The following IL1RAPL1 variants were observed in gnomAD, a reference collection of about 807,000 sequenced individuals.
IL1RAPL1 encodes the protein interleukin-1 receptor accessory protein-like 1.
In IL1RAPL1, 3 loss-of-function variants were observed where a neutral mutation model predicts 48.4. The observed-to-expected ratio is 0.06, with a 90% CI of 0.03 to 0.16. The LOEUF is 0.16. Ranked by LOEUF, IL1RAPL1 falls within the 10% of genes least tolerant of loss-of-function variation. The pLI is 1.00. For missense variants in IL1RAPL1, 349 were observed against 530.6 expected (o/e 0.66, Z 3.36); for synonymous variants, 185 against 187.7 (o/e 0.99, Z 0.12).
chrX:29,777,164 T>A (rs1929218776), intron 6 of IL1RAPL1, among the ~76,000 whole-genome samples: 1 of 112,316 alleles, frequency 8.9e-6, no homozygotes, highest in Admixed American at 9.5e-5. Context: ...GAACTGGCTC[T>A]TTGTACAAAT....
intron 1 of IL1RAPL1, among the ~76,000 whole-genome samples, chrX:28,784,143 C>G (rs1156597583): frequency 1.8e-5 from 2 of 112,055 alleles, no homozygotes; most frequent in African/African-American, 6.5e-5. Context: ...CTTTTAGTAA[C>G]TTATGGTTGC....
chrX:29,688,544 A>G (rs1926688811), intron 6 of IL1RAPL1, among the ~76,000 whole-genome samples: 2 of 111,921 alleles, frequency 1.8e-5, no homozygotes, highest in African/African-American at 6.5e-5. Context: ...AAAATTTTAC[A>G]GTTTCTGGAG....
At chrX:29,442,370 G>A (rs919720461) in intron 5 of IL1RAPL1, among the ~76,000 whole-genome samples, 1 of 110,162 alleles carries the variant, frequency 9.1e-6, no homozygotes, top group African/African-American at 3.3e-5. Flanking sequence ...GGAGGGGGGT[G>A]AGGGATAGAA....
intron 3 of IL1RAPL1, among the ~76,000 whole-genome samples, chrX:29,310,120 AAAAAAAAAAGAAAGG>A (rs1482013659): frequency 6.7e-5 from 6 of 89,669 alleles, no homozygotes; most frequent in African/African-American, 2.4e-4. Flanking sequence ...AAAAAAAAAA[AAAAAAAAAAGAAAGG>A]AAAAAAAAAA....
At chrX:29,597,256 C>A (rs973594355) in intron 5 of IL1RAPL1, among the ~76,000 whole-genome samples, 1 of 106,462 alleles carries the variant, frequency 9.4e-6, no homozygotes, top group South Asian at 4.3e-4. Context: ...CAGGTTCAAT[C>A]GATTCTCCTG....
At chrX:29,353,831 GTTT>G (rs199572427) in intron 3 of IL1RAPL1, among the ~76,000 whole-genome samples, 2 of 92,426 alleles carry the variant, frequency 2.2e-5, no homozygotes, top group Admixed American at 1.2e-4. Context: ...TTTTTCCAGT[GTTT>G]TTTTTTTTTT....
intron 2 of IL1RAPL1, among the ~76,000 whole-genome samples, chrX:29,068,640 TA>T (rs1927499449): frequency 8.9e-6 from 1 of 112,406 alleles, no homozygotes; most frequent in Non-Finnish European, 1.9e-5. Context: ...ATGAAATAAT[TA>T]AAGTACTGTG....
intron 1 of IL1RAPL1, among the ~76,000 whole-genome samples, chrX:28,743,440 T>C (rs1490254066): frequency 1.8e-5 from 2 of 111,787 alleles, no homozygotes; most frequent in East Asian, 5.6e-4. Context: ...AGCTAAGCCC[T>C]ATGTCTTACT....
intron 5 of IL1RAPL1, among the ~76,000 whole-genome samples, chrX:29,472,028 C>T (rs1290025123): frequency 9.0e-6 from 1 of 111,539 alleles, no homozygotes; most frequent in African/African-American, 3.3e-5. Context: ...GTTGTCTATA[C>T]TCACTTTCTT....
At chrX:28,716,431 A>G (rs1167634816) in intron 1 of IL1RAPL1, among the ~76,000 whole-genome samples, 1 of 111,685 alleles carries the variant, frequency 9.0e-6, no homozygotes, top group East Asian at 2.8e-4. Context: ...TGGGGAAAGG[A>G]TTCCCTTTTC....
At chrX:28,645,181 C>T (rs1217072757) in intron 1 of IL1RAPL1, among the ~76,000 whole-genome samples, 1 of 107,435 alleles carries the variant, frequency 9.3e-6, no homozygotes, top group Non-Finnish European at 1.9e-5. Context: ...GACCCTGTCT[C>T]TACTAAAAAT....
At chrX:28,858,247 A>G (rs1921853279) in intron 2 of IL1RAPL1, among the ~76,000 whole-genome samples, 1 of 112,422 alleles carries the variant, frequency 8.9e-6, no homozygotes, top group Non-Finnish European at 1.9e-5. Context: ...GACGCCATGA[A>G]CATTGTTGAA....
intron 6 of IL1RAPL1, among the ~76,000 whole-genome samples, chrX:29,844,631 T>C (rs1931208484): frequency 8.9e-6 from 1 of 111,908 alleles, no homozygotes; most frequent in African/African-American, 3.2e-5. Flanking sequence ...ACTATTTACA[T>C]AGTATTTACA....
chrX:28,898,220 C>G (rs769234561), intron 2 of IL1RAPL1, among the ~76,000 whole-genome samples: 1 of 111,489 alleles, frequency 9.0e-6, no homozygotes. Context: ...TCCTTGGGTT[C>G]CCTTTTTACT....
intron 1 of IL1RAPL1, among the ~76,000 whole-genome samples, chrX:28,688,316 C>T (rs1468737153): frequency 1.8e-5 from 2 of 109,136 alleles, no homozygotes; most frequent in Middle Eastern, 4.7e-3. Flanking sequence ...TCAAGTGGTC[C>T]TCCTACCTCA....
intron 8 of IL1RAPL1, among the ~76,000 whole-genome samples, chrX:29,941,027 C>T (rs145691017): frequency 0.17 from 18,762 of 111,473 alleles, 1,199 homozygotes; most frequent in East Asian, 0.25. Context: ...AGCAGAGGAG[C>T]TATTGCTCCT....
intron 1 of IL1RAPL1, among the ~76,000 whole-genome samples, chrX:28,703,886 A>G (rs1273604268): frequency 8.9e-6 from 1 of 111,835 alleles, no homozygotes; most frequent in African/African-American, 3.2e-5. Context: ...AGGACCTCCT[A>G]TCCTGCCTCC....
chrX:29,593,148 C>T (rs946975500), intron 5 of IL1RAPL1, among the ~76,000 whole-genome samples: 2 of 111,443 alleles, frequency 1.8e-5, no homozygotes, highest in African/African-American at 6.5e-5. Context: ...ATGGGCCCTG[C>T]TTGGTTGTCG....
intron 5 of IL1RAPL1, among the ~76,000 whole-genome samples, chrX:29,512,351 T>TAA (rs60852522): frequency 0.42 from 45,702 of 109,687 alleles, 7,100 homozygotes; most frequent in East Asian, 0.7. Context: ...AAGCTGAGTG[T>TAA]AAGATTTCAA....
Sources: gnomAD v4.1 joint callset for allele counts (sites outside exome capture counted in the v4.1 genomes callset) on GRCh38, gnomAD v4.1.1 for gene constraint, MANE v1.5 for transcripts, NCBI Gene and HGNC (gene_info 2026-07-23, HGNC 2026-07-21) for gene names.